GVQW3: variants seen among roughly 807,000 people sequenced by gnomAD.
The protein encoded by GVQW3 is GVQW motif containing 3.
GVQW3 carries 7 observed loss-of-function variants against 12.5 expected under a neutral mutation model. That is an observed-to-expected ratio of 0.56 (90% CI 0.32 to 1.05). GVQW3 has a LOEUF of 1.05. Ranked by LOEUF, GVQW3 falls within the 50% of genes least tolerant of loss-of-function variation. GVQW3 has a pLI of 0.04. For synonymous variants in GVQW3, 71 were observed against 67.2 expected, an observed-to-expected ratio of 1.06 and a Z score of -0.28; for missense variants, 188 against 190.8, an observed-to-expected ratio of 0.99 and a Z score of 0.09.
At chr11:76,408,855 T>G (rs2134570726), downstream of GVQW3, among the ~76,000 whole-genome samples, 1 of 151,936 alleles carries the variant, frequency 6.6e-6, no homozygotes, top group East Asian at 1.9e-4. Flanking sequence ...TCAGGAAGGG[T>G]GACAAGAGAT....
intron 1 of GVQW3, among the ~76,000 whole-genome samples, chr11:76,403,338 T>A (rs572917855): frequency 5.3e-5 from 8 of 152,350 alleles, no homozygotes; most frequent in African/African-American, 1.9e-4. Context: ...TTCTTTCGTA[T>A]AATTTATTGT....
rs1257340396 is a variant in GVQW3, at chr11:76,381,375, G to GT, written c.-453dup. 5 of 155,726 alleles carry GT rather than the reference G, an allele frequency of 3.2e-5. No homozygotes were observed. The highest frequency in any genetic ancestry group is 1.2e-4 in the African/African-American group (5 of 41,566). The allele number at this position is 155,726 out of a possible 1,614,324, so 9.6% of individuals were successfully genotyped here. A position where few individuals can be genotyped will look rare whatever the true frequency, so the allele number is the denominator to read the frequency against. On this transcript the variant is annotated 5_prime_UTR_variant, in exon 1 of 2. Transcript: ENST00000529331. ...AGCAGGCGGTTCCTGGGCTGCTCCG[G>GT]TAGGTTTGGCGTGCGCGGGTTTCTG...
At chr11:76,384,873 T>C (rs961865650) in intron 1 of GVQW3, among the ~76,000 whole-genome samples, 10 of 152,234 alleles carry the variant, frequency 6.6e-5, no homozygotes, top group African/African-American at 2.4e-4. Flanking sequence ...TGCAGCTTTG[T>C]TGCTGAACCT....
chr11:76,393,489 G>C (rs1463882142), intron 1 of GVQW3, among the ~76,000 whole-genome samples: 1 of 152,214 alleles, frequency 6.6e-6, no homozygotes, highest in Non-Finnish European at 1.5e-5. Context: ...ATTTGGCTTG[G>C]AGTTTGCTGA....
intron 1 of GVQW3, among the ~76,000 whole-genome samples, chr11:76,402,486 G>A (rs1199211207): frequency 6.6e-6 from 1 of 151,776 alleles, no homozygotes; most frequent in East Asian, 1.9e-4. Flanking sequence ...CCAGGAGGCA[G>A]AGGTTGCAGT....
intron 1 of GVQW3, chr11:76,383,111 C>T (rs1481314448): frequency 6.6e-6 from 1 of 152,386 alleles, no homozygotes; most frequent in African/African-American, 2.4e-5. Flanking sequence ...TTGGGTATCA[C>T]CCCTGTTGGA....
At chr11:76,388,865 A>ATT (rs1946863515) in intron 1 of GVQW3, among the ~76,000 whole-genome samples, 5 of 152,124 alleles carry the variant, frequency 3.3e-5, no homozygotes, top group African/African-American at 1.2e-4. Flanking sequence ...TATCCTTTAG[A>ATT]CAGATCTATA....
Position 76,381,526 on chromosome 11 carries a change from GACCT to G in GVQW3, c.-302_-299del. On this transcript the variant is annotated 5_prime_UTR_variant, in exon 1 of 2. Transcript: ENST00000529331. ...TCCTTAAGGGCCGCGGAATCGGAGC[GACCT>G]TGGTGACTGGCAAACTCTCGGCAGA... 8.0e-5 allele frequency: 24 copies of G among 300,300 alleles called. No individual in the cohort carries two copies. The highest frequency in any genetic ancestry group is 3.7e-4 in the South Asian group (5 of 13,590). The allele number at this position is 300,300 out of a possible 1,614,324, so 18.6% of individuals were successfully genotyped here.
downstream of GVQW3, chr11:76,408,660 TA>T (rs1947063061): frequency 6.6e-6 from 1 of 152,184 alleles, no homozygotes; most frequent in Admixed American, 6.5e-5. Flanking sequence ...CACCCTGTGG[TA>T]AGGCTGGCTT....
In GVQW3 at chr11:76,381,976, T is replaced by C; in HGVS notation, c.148T>C (p.Phe50Leu). 4 of 1,536,252 alleles carry C rather than the reference T, an allele frequency of 2.6e-6. No individual in the cohort carries two copies. Among genetic ancestry groups the C allele is most frequent in the Non-Finnish European group, 3.5e-6 (4 of 1,146,936 alleles). Reference sequence around the variant, plus strand: ...CAGAGTTTTTGACTGGCACAAAAGGTTTAAAGAAGGACGGGAAGATGTTCG... The same window carrying C: ...CAGAGTTTTTGACTGGCACAAAAGGCTTAAAGAAGGACGGGAAGATGTTCG... Reference protein sequence around the residue: ...RARVFDWHKRFKEGREDVRDD... With the variant: ...RARVFDWHKRLKEGREDVRDD... The change falls in exon 1 of 2, where the codon TTT (phenylalanine) becomes CTT (leucine). Residue 50 changes from phenylalanine (F) to leucine (L), a missense_variant. Coordinates refer to ENST00000529331, the MANE Select transcript of GVQW3 (RefSeq NM_001347885.2).
chr11:76,388,623 G>A (rs1007557099), intron 1 of GVQW3, among the ~76,000 whole-genome samples: 3 of 151,436 alleles, frequency 2.0e-5, no homozygotes, highest in Admixed American at 6.6e-5. Context: ...CTTGTGTGCC[G>A]AGATACAGCA....
At position 76,397,002 on chromosome 11, in the gene GVQW3, C is replaced by CTTTT. The variant is rs11401694; in HGVS notation, c.466-6641_466-6638dup. Among the ~76,000 whole-genome samples, 52 of 110,864 alleles carry CTTTT rather than the reference C, an allele frequency of 4.7e-4. 1 individual carries two copies. Among genetic ancestry groups the CTTTT allele is most frequent in the South Asian group, 1.9e-3 (6 of 3,128 alleles). 72.7% of individuals were successfully genotyped at this position (110,864 alleles called of 152,430 possible). A position where few individuals can be genotyped will look rare whatever the true frequency, so the allele number is the denominator to read the frequency against. The stretch of plus-strand genomic sequence containing the variant: ...TGGAGCATGGGTCAGTCATTTATTC[C>CTTTT]TTTTTTTTTTTTTTTTTTTTGAGAT... On this transcript the variant is annotated intron_variant, in intron 1 of 1. Coordinates refer to ENST00000529331, the MANE Select transcript of GVQW3 (RefSeq NM_001347885.2).
intron 1 of GVQW3, among the ~76,000 whole-genome samples, chr11:76,396,175 A>G (rs963209761): frequency 2.0e-5 from 3 of 152,160 alleles, no homozygotes; most frequent in African/African-American, 7.2e-5. Flanking sequence ...CATTATCATT[A>G]TCATATGATT....
intron 1 of GVQW3, among the ~76,000 whole-genome samples, chr11:76,394,276 T>C (rs538661132): frequency 6.6e-6 from 1 of 152,166 alleles, no homozygotes; most frequent in Non-Finnish European, 1.5e-5. Flanking sequence ...TTAGATCTTG[T>C]CCATTCTTTC....
downstream of GVQW3, among the ~76,000 whole-genome samples, chr11:76,409,002 T>C (rs553009400): frequency 2.3e-4 from 35 of 152,224 alleles, no homozygotes; most frequent in Non-Finnish European, 4.8e-4. Context: ...AGAGGCCATC[T>C]CTTCTATTAC....
chr11:76,389,427 G>T (rs1412434796), intron 1 of GVQW3, among the ~76,000 whole-genome samples: 1 of 152,164 alleles, frequency 6.6e-6, no homozygotes, highest in Non-Finnish European at 1.5e-5. Context: ...TTAACTGGCT[G>T]GGTGGACACA....
chr11:76,405,340 G>C lies in GVQW3; in HGVS notation c.*1582G>C, dbSNP rs1947029235. On this transcript the variant is annotated 3_prime_UTR_variant, in exon 2 of 2. Coordinates refer to ENST00000529331, the MANE Select transcript of GVQW3 (RefSeq NM_001347885.2). Reference sequence around the variant, plus strand: ...ACAGGGTCTGCCATGTGCATAGAAAGCACAGTATGTATTTGGCATGGAGTC... The same window carrying C: ...ACAGGGTCTGCCATGTGCATAGAAACCACAGTATGTATTTGGCATGGAGTC... 6.6e-6 allele frequency: 1 copy of C among 152,268 alleles called. No individual in the cohort carries two copies. Among genetic ancestry groups the C allele is most frequent in the Admixed American group, 6.5e-5 (1 of 15,288 alleles). 9.4% of individuals were successfully genotyped at this position (152,268 alleles called of 1,614,324 possible). A position where few individuals can be genotyped will look rare whatever the true frequency, so the allele number is the denominator to read the frequency against.
In GVQW3 at chr11:76,382,533, G is replaced by T. The variant is rs1471209925; in HGVS notation, c.465+240G>T. The T allele has an allele frequency of 1.3e-5, 8 of 605,038 alleles. No homozygotes were observed. The South Asian group carries it at 1.6e-4, about 12-fold the overall frequency. 37.5% of individuals were successfully genotyped at this position (605,038 alleles called of 1,614,324 possible). A position where few individuals can be genotyped will look rare whatever the true frequency, so the allele number is the denominator to read the frequency against. ...TTAGGCACCTTCTTTGGCTGCTCAC[G>T]TATTTTTCAGTCTTCACCACTCCTC... On this transcript the variant is annotated intron_variant, in intron 1 of 1. Coordinates refer to ENST00000529331, the MANE Select transcript of GVQW3 (RefSeq NM_001347885.2).
rs1163801451 is a variant in GVQW3 at position 76,382,296 on chromosome 11, A to G, written c.465+3A>G. 2.7e-6 allele frequency: 4 copies of G among 1,495,186 alleles called. No individual in the cohort carries two copies. Among genetic ancestry groups the G allele is most frequent in the Non-Finnish European group, 3.6e-6 (4 of 1,110,052 alleles). 92.6% of individuals were successfully genotyped at this position (1,495,186 alleles called of 1,614,324 possible). On this transcript the variant is annotated splice_donor_region_variant and intron_variant, in intron 1 of 1. Transcript: ENST00000529331. ...ATAGCTCATGTTTGAGGAAAAAGGT[A>G]ACAGGTTCTGAAACATGGAGTTATC...
Sources: gnomAD v4.1 joint callset for allele counts (sites outside exome capture counted in the v4.1 genomes callset) on GRCh38, gnomAD v4.1.1 for gene constraint, MANE v1.5 for transcripts, NCBI Gene and HGNC (gene_info 2026-07-23, HGNC 2026-07-21) for gene names.